ZNF227: variants seen among roughly 807,000 people sequenced by gnomAD.
ZNF227 encodes the protein zinc finger protein 227.
ZNF227 carries 12 observed loss-of-function variants against 13.2 expected under a neutral mutation model. The ratio of observed to expected loss-of-function variants is 0.91; its 90% CI spans 0.58 to 1.47. The LOEUF is 1.47. ZNF227 is among the 40% of genes most tolerant of loss of function. ZNF227 has a pLI of 0.00. For synonymous variants in ZNF227, 338 were observed against 326.0 expected (o/e 1.04, Z -0.40); for missense variants, 885 against 967.5 (o/e 0.91, Z 1.13).
At chr19:44,209,068 G>T (rs10416493), upstream of ZNF227, among the ~76,000 whole-genome samples, 5,660 of 152,154 alleles carry the variant, frequency 0.037, 268 homozygotes, top group African/African-American at 0.11. Context: ...GCGAGACCCC[G>T]TTCCTTTAAC....
At chr19:44,213,630 G>C (rs1291469709) in intron 2 of ZNF227, 1 of 152,068 alleles carries the variant, frequency 6.6e-6, no homozygotes, top group African/African-American at 2.4e-5. Flanking sequence ...TTTTGTTGTT[G>C]TTTATTTTCT....
upstream of ZNF227, among the ~76,000 whole-genome samples, chr19:44,212,290 G>GCCC (rs1971413043): frequency 6.6e-6 from 1 of 151,342 alleles, no homozygotes; most frequent in Non-Finnish European, 1.5e-5. Context: ...CCGTGAAGAG[G>GCCC]ATTCTGGATG....
chr19:44,221,784 A>G (rs1351642889), intron 3 of ZNF227, among the ~76,000 whole-genome samples: 1 of 152,110 alleles, frequency 6.6e-6, no homozygotes, highest in African/African-American at 2.4e-5. Context: ...CCATTTGTCA[A>G]TTTTGGCTTT....
In ZNF227 at chr19:44,235,230, T is replaced by C. The variant is rs1304603265; in HGVS notation, c.800T>C (p.Leu267Pro). 1.2e-6 allele frequency: 2 copies of C among 1,613,962 alleles called. No individual in the cohort carries two copies. Among genetic ancestry groups the C allele is most frequent in the African/African-American group, 2.7e-5 (2 of 74,906 alleles). ...RGFSYSPRLPLHPNVHTGEKC... is the reference protein window; with the variant it reads ...RGFSYSPRLPPHPNVHTGEKC... The stretch of plus-strand genomic sequence containing the variant: ...TTCAGTTATAGCCCAAGGCTTCCCC[T>C]TCATCCGAATGTTCATACAGGAGAA... Residue 267 changes from leucine to proline, a missense_variant, in exon 6 of 6, where the codon CTT becomes CCT. Transcript: ENST00000313040.
upstream of ZNF227, among the ~76,000 whole-genome samples, chr19:44,210,202 G>A (rs1381104433): frequency 1.3e-5 from 2 of 152,308 alleles, no homozygotes; most frequent in South Asian, 4.1e-4. Context: ...GTAATCAAAA[G>A]TTGATGCATG....
chr19:44,212,080 G>C (rs1040903489), upstream of ZNF227, among the ~76,000 whole-genome samples: 3 of 151,522 alleles, frequency 2.0e-5, no homozygotes, highest in Non-Finnish European at 4.4e-5. Context: ...AGTAGAGACG[G>C]GGCTTCATCA....
intron 4 of ZNF227, among the ~76,000 whole-genome samples, chr19:44,229,272 C>A (rs975837562): frequency 6.6e-6 from 1 of 152,108 alleles, no homozygotes; most frequent in East Asian, 1.9e-4. Flanking sequence ...TAGGCTACAA[C>A]CTAAATTTCT....
intron 2 of ZNF227, among the ~76,000 whole-genome samples, chr19:44,215,199 G>C (rs1316397861): frequency 1.4e-5 from 2 of 142,038 alleles, no homozygotes; most frequent in East Asian, 4.1e-4. Flanking sequence ...ACGGAGTCTC[G>C]CCTGTCGCCC....
upstream of ZNF227, among the ~76,000 whole-genome samples, chr19:44,211,630 C>G (rs1332039767): frequency 6.6e-6 from 1 of 152,152 alleles, no homozygotes; most frequent in East Asian, 1.9e-4. Context: ...CTATGTCTAG[C>G]TATCCTCAGT....
At chr19:44,224,197 T>C (rs1972854009) in intron 3 of ZNF227, among the ~76,000 whole-genome samples, 1 of 152,226 alleles carries the variant, frequency 6.6e-6, no homozygotes, top group Admixed American at 6.5e-5. Context: ...AACTATGTGG[T>C]CAATTTTGGA....
At chr19:44,226,922 C>T (rs1973229939) in intron 3 of ZNF227, among the ~76,000 whole-genome samples, 2 of 152,158 alleles carry the variant, frequency 1.3e-5, no homozygotes, top group Non-Finnish European at 2.9e-5. Flanking sequence ...CTTGGCTCCA[C>T]CCCTCAAAAC....
intron 5 of ZNF227, among the ~76,000 whole-genome samples, chr19:44,232,212 C>G (rs1211119021): frequency 2.0e-5 from 3 of 152,176 alleles, no homozygotes; most frequent in East Asian, 3.8e-4. Context: ...ATGTATTAAT[C>G]TTAGCTTCTA....
chr19:44,223,217 A>G (rs1382169933), intron 3 of ZNF227, among the ~76,000 whole-genome samples: 1 of 152,198 alleles, frequency 6.6e-6, no homozygotes, highest in Non-Finnish European at 1.5e-5. Flanking sequence ...ATATTGGTCT[A>G]AAATTCTCTT....
upstream of ZNF227, among the ~76,000 whole-genome samples, chr19:44,208,290 T>G (rs1189450023): frequency 2.6e-5 from 4 of 152,206 alleles, no homozygotes; most frequent in African/African-American, 9.6e-5. Flanking sequence ...TTTTATAAAT[T>G]TATTCTAAAT....
Position 44,235,720 on chromosome 19 carries a change from C to T in ZNF227, c.1290C>T (p.His430=). The change falls in exon 6 of 6, where the codon CAC becomes CAT. Residue 430 remains histidine, a synonymous_variant. Transcript: ENST00000313040. ...ATTTTCACATCCATCAGAGAGTCCA[C>T]ACTGGAGAGAAACCCTACAAGTGTG... is the stretch of plus-strand genomic sequence containing the variant. ...AAHFHIHQRV[H]TGEKPYKCDV... is the part of the protein sequence containing the mutation. The T allele has an allele frequency of 1.2e-6, 2 of 1,614,120 alleles. No individual in the cohort carries two copies. The highest frequency in any genetic ancestry group is 1.7e-6 in the Non-Finnish European group (2 of 1,180,024).
intron 3 of ZNF227, among the ~76,000 whole-genome samples, chr19:44,226,775 A>G (rs1157348986): frequency 1.3e-5 from 2 of 152,082 alleles, no homozygotes; most frequent in Non-Finnish European, 2.9e-5. Context: ...AGTGTGCTGC[A>G]CCCACTGCCC....
intron 3 of ZNF227, among the ~76,000 whole-genome samples, chr19:44,219,384 T>C (rs1457170281): frequency 3.3e-5 from 5 of 152,190 alleles, no homozygotes; most frequent in African/African-American, 9.7e-5. Flanking sequence ...AGCAAACCGG[T>C]GGCATATACT....
At chr19:44,210,691 G>A (rs1971321454), upstream of ZNF227, among the ~76,000 whole-genome samples, 1 of 152,228 alleles carries the variant, frequency 6.6e-6, no homozygotes, top group African/African-American at 2.4e-5. Context: ...GGCTGGACAT[G>A]TAGAGTGGAA....
At chr19:44,213,856 G>A (rs1358566138) in intron 2 of ZNF227, 1 of 152,178 alleles carries the variant, frequency 6.6e-6, no homozygotes, top group Non-Finnish European at 1.5e-5. Flanking sequence ...TTCATTCCAT[G>A]TCAAAATATG....
Sources: gnomAD v4.1 joint callset for allele counts (sites outside exome capture counted in the v4.1 genomes callset) on GRCh38, gnomAD v4.1.1 for gene constraint, MANE v1.5 for transcripts, NCBI Gene and HGNC (gene_info 2026-07-23, HGNC 2026-07-21) for gene names.